CAPZA2: variants seen among roughly 807,000 people sequenced by gnomAD.
The protein encoded by CAPZA2 is F-actin-capping protein subunit alpha-2.
CAPZA2 carries 13 observed loss-of-function variants against 44.0 expected under a neutral mutation model. The ratio of observed to expected loss-of-function variants is 0.30; its 90% CI spans 0.19 to 0.47. The LOEUF is 0.47. CAPZA2 is among the 20% of genes least tolerant of loss of function. The pLI is 1.00. For synonymous variants in CAPZA2, 94 were observed against 108.2 expected (o/e 0.87, Z 0.81); for missense variants, 244 against 338.6 (o/e 0.72, Z 2.19).
chr7:116,891,938 G>A (rs542014772), intron 2 of CAPZA2, among the ~76,000 whole-genome samples: 1 of 152,080 alleles, frequency 6.6e-6, no homozygotes, highest in African/African-American at 2.4e-5. Context: ...ACTTTCCAAA[G>A]TACAAAAAAG....
At chr7:116,884,302 A>G (rs968933010) in intron 1 of CAPZA2, among the ~76,000 whole-genome samples, 2 of 152,212 alleles carry the variant, frequency 1.3e-5, no homozygotes, top group African/African-American at 2.4e-5. Flanking sequence ...TAGCACATGT[A>G]TAGATCAATG....
intron 7 of CAPZA2, among the ~76,000 whole-genome samples, chr7:116,910,779 G>T (rs1307921449): frequency 5.9e-5 from 9 of 152,106 alleles, no homozygotes; most frequent in African/African-American, 2.2e-4. Flanking sequence ...GCCGAGGTGG[G>T]TGGATCACAA....
intron 4 of CAPZA2, among the ~76,000 whole-genome samples, chr7:116,900,960 G>C (rs980158449): frequency 6.6e-6 from 1 of 152,100 alleles, no homozygotes; most frequent in Admixed American, 6.6e-5. Context: ...ACCACAATGA[G>C]ATACCATTTC....
intron 1 of CAPZA2, among the ~76,000 whole-genome samples, chr7:116,883,370 T>A (rs942809696): frequency 6.6e-6 from 1 of 152,194 alleles, no homozygotes; most frequent in African/African-American, 2.4e-5. Context: ...TCTGTAGCAG[T>A]GGATAAAAAA....
intron 4 of CAPZA2, among the ~76,000 whole-genome samples, chr7:116,899,585 G>A (rs921496334): frequency 6.6e-6 from 1 of 151,070 alleles, no homozygotes; most frequent in Non-Finnish European, 1.5e-5. Flanking sequence ...ATAGATATGT[G>A]TGTGTATATA....
At chr7:116,875,431 TAA>T (rs1796608415) in intron 1 of CAPZA2, 1 of 152,190 alleles carries the variant, frequency 6.6e-6, no homozygotes, top group South Asian at 2.1e-4. Context: ...AAAATTGATA[TAA>T]GAGCTTCTAA....
chr7:116,912,540 CTG>C (rs1252817076), intron 8 of CAPZA2, among the ~76,000 whole-genome samples: 1 of 152,170 alleles, frequency 6.6e-6, no homozygotes, highest in Non-Finnish European at 1.5e-5. Context: ...CTTTCTGGCT[CTG>C]TGGATTTGCT....
chr7:116,901,612 A>C (rs1325867766), intron 4 of CAPZA2, among the ~76,000 whole-genome samples: 1 of 152,136 alleles, frequency 6.6e-6, no homozygotes, highest in South Asian at 2.1e-4. Context: ...CCTGCATGAC[A>C]CAAGTTTACC....
intron 1 of CAPZA2, among the ~76,000 whole-genome samples, chr7:116,877,947 T>C (rs373699805): frequency 6.6e-6 from 1 of 152,108 alleles, no homozygotes; most frequent in Non-Finnish European, 1.5e-5. Flanking sequence ...TGGGTCTGAA[T>C]AAAATGGAAT....
intron 1 of CAPZA2, among the ~76,000 whole-genome samples, chr7:116,867,233 G>A (rs1037715907): frequency 1.3e-5 from 2 of 152,148 alleles, no homozygotes; most frequent in African/African-American, 4.8e-5. Context: ...GATTATACTT[G>A]TTCTGTGCCA....
intron 1 of CAPZA2, among the ~76,000 whole-genome samples, chr7:116,866,467 G>A (rs1346931870): frequency 3.3e-5 from 5 of 152,098 alleles, no homozygotes. Context: ...CACCGTGCCC[G>A]GCCTCCCATA....
intron 2 of CAPZA2, chr7:116,888,492 T>TA (rs749818357): frequency 2.6e-5 from 6 of 231,210 alleles, no homozygotes; most frequent in Non-Finnish European, 5.0e-5. Flanking sequence ...TTTATTTAAG[T>TA]AAAACTATAA....
intron 1 of CAPZA2, among the ~76,000 whole-genome samples, chr7:116,864,757 A>T (rs771816092): frequency 3.3e-5 from 5 of 152,144 alleles, no homozygotes; most frequent in Non-Finnish European, 5.9e-5. Context: ...TAAGCTCTTA[A>T]GCTGGGCACG....
intron 1 of CAPZA2, among the ~76,000 whole-genome samples, chr7:116,881,960 T>C (rs1017043449): frequency 2.0e-5 from 3 of 152,154 alleles, no homozygotes; most frequent in African/African-American, 7.2e-5. Flanking sequence ...AAGTTTAGTT[T>C]GTTTCCTGAT....
At chr7:116,862,744 C>A in intron 1 of CAPZA2, 94 bp downstream of exon 1, 1 of 1,366,000 alleles carries the variant, frequency 7.3e-7, no homozygotes, top group Non-Finnish European at 1.0e-6. Flanking sequence ...AGGGCATTGG[C>A]CCGCAGCTGG....
chr7:116,890,898 G>C (rs1466351130), intron 2 of CAPZA2, among the ~76,000 whole-genome samples: 4 of 149,410 alleles, frequency 2.7e-5, no homozygotes, highest in Non-Finnish European at 5.9e-5. Context: ...ATTCCAAAAA[G>C]AGCCACAAAA....
chr7:116,893,411 G>A (rs1325417266), intron 3 of CAPZA2, among the ~76,000 whole-genome samples: 1 of 152,208 alleles, frequency 6.6e-6, no homozygotes, highest in African/African-American at 2.4e-5. Flanking sequence ...TTACAGGCGT[G>A]AGCCACCACA....
intron 1 of CAPZA2, among the ~76,000 whole-genome samples, chr7:116,882,062 T>G: frequency 6.6e-6 from 1 of 152,208 alleles, no homozygotes. Context: ...ATGTCAGTTT[T>G]TCAGTTTTTC....
chr7:116,869,735 C>A (rs752349590), intron 1 of CAPZA2, among the ~76,000 whole-genome samples: 5 of 152,206 alleles, frequency 3.3e-5, no homozygotes, highest in Non-Finnish European at 5.9e-5. Context: ...GTATGTCTAG[C>A]GTGAGTTAGC....
Sources: allele counts gnomAD v4.1 joint callset (sites outside exome capture counted in the v4.1 genomes callset), GRCh38; gene constraint gnomAD v4.1.1; transcripts MANE v1.5; gene names NCBI Gene and HGNC (gene_info 2026-07-23, HGNC 2026-07-21).